The following BCAS4 variants were observed in gnomAD, a reference collection of about 807,000 sequenced individuals.
BCAS4 encodes breast carcinoma amplified sequence 4.
In BCAS4, 9 loss-of-function variants were observed where a neutral mutation model predicts 15.7. The observed-to-expected ratio is 0.57, with a 90% CI of 0.34 to 1.00. The LOEUF is 1.00. Ranked by LOEUF, BCAS4 falls within the 50% of genes least tolerant of loss-of-function variation. BCAS4 has a pLI of 0.02. For missense variants in BCAS4, 225 were observed against 239.1 expected (o/e 0.94, Z 0.39); for synonymous variants, 101 against 99.5 (o/e 1.02, Z -0.09).
chr20:50,834,287 C>T (rs960584398), intron 3 of BCAS4, among the ~76,000 whole-genome samples: 3 of 147,524 alleles, frequency 2.0e-5, no homozygotes, highest in African/African-American at 5.0e-5. Context: ...TGGTCTCGAA[C>T]TCTTCTTTTT....
downstream of BCAS4, chr20:50,880,904 C>T (rs937501852): frequency 6.6e-6 from 1 of 152,124 alleles, no homozygotes; most frequent in Non-Finnish European, 1.5e-5. Context: ...ACTCAGCACA[C>T]CTGGATTGTA....
At chr20:50,838,017 C>CACATG (rs2088431290) in intron 3 of BCAS4, among the ~76,000 whole-genome samples, 1 of 151,714 alleles carries the variant, frequency 6.6e-6, no homozygotes, top group African/African-American at 2.4e-5. Flanking sequence ...CACACACACA[C>CACATG]ACACATGACG....
chr20:50,862,312 C>G (rs751926332), intron 4 of BCAS4, among the ~76,000 whole-genome samples: 9 of 152,264 alleles, frequency 5.9e-5, no homozygotes, highest in Non-Finnish European at 1.0e-4. Context: ...CTCCTCCTGT[C>G]TCATGATGTT....
chr20:50,797,287 G>C (rs1000988644), intron 1 of BCAS4, among the ~76,000 whole-genome samples: 25 of 152,308 alleles, frequency 1.6e-4, no homozygotes, highest in African/African-American at 5.8e-4. Context: ...AACATGTTCT[G>C]GATGTTAGAT....
At chr20:50,804,550 A>G (rs2087967540) in intron 1 of BCAS4, among the ~76,000 whole-genome samples, 1 of 152,240 alleles carries the variant, frequency 6.6e-6, no homozygotes, top group Non-Finnish European at 1.5e-5. Context: ...ATCATTTTGC[A>G]TTTATGCAAA....
At chr20:50,813,949 C>T (rs747660112) in intron 1 of BCAS4, among the ~76,000 whole-genome samples, 60 of 151,984 alleles carry the variant, frequency 3.9e-4, no homozygotes, top group Non-Finnish European at 7.8e-4. Flanking sequence ...CAGGGGGTTG[C>T]GAAGAACAGC....
chr20:50,826,175 C>T (rs1170668072), intron 2 of BCAS4, among the ~76,000 whole-genome samples: 1 of 152,210 alleles, frequency 6.6e-6, no homozygotes, highest in African/African-American at 2.4e-5. Flanking sequence ...GTGATTTTCT[C>T]CAAGTTTAGC....
At chr20:50,806,387 C>G (rs1309652101) in intron 1 of BCAS4, among the ~76,000 whole-genome samples, 1 of 152,224 alleles carries the variant, frequency 6.6e-6, no homozygotes, top group Non-Finnish European at 1.5e-5. Flanking sequence ...TCCCTTTCAT[C>G]TTCCTTTCTT....
chr20:50,873,179 C>T (rs1008421318), intron 4 of BCAS4, among the ~76,000 whole-genome samples: 5 of 152,256 alleles, frequency 3.3e-5, no homozygotes, highest in African/African-American at 1.2e-4. Flanking sequence ...TCGCCACTCC[C>T]TCTCCTTGGC....
chr20:50,846,831 C>T (rs2088552047), intron 4 of BCAS4: 1 of 152,040 alleles, frequency 6.6e-6, no homozygotes, highest in South Asian at 2.1e-4. Context: ...CCAGGCTGGT[C>T]TCGAACTCCT....
rs554840200 is a variant in BCAS4 at position 50,853,936 on chromosome 20, C to T, written c.399+12036C>T. ...CCTCACTCGCTAGATGTACCCTCCC[C>T]GCAGTGTAACAACCAAAAAGGAGTC... On this transcript the variant is annotated intron_variant, in intron 4 of 4. Transcript: ENST00000371608. Among the ~76,000 whole-genome samples the T allele has an allele frequency of 2.6e-5, 4 of 152,136 alleles. No individual in the cohort carries two copies. In the South Asian group the frequency reaches 8.3e-4, roughly 32 times the overall value.
intron 4 of BCAS4, 33 bp downstream of exon 4, chr20:50,841,933 G>T: frequency 6.5e-7 from 1 of 1,532,230 alleles, no homozygotes; most frequent in South Asian, 1.3e-5. Context: ...TGAGGGGAGG[G>T]CCTCTCCCCC....
At chr20:50,839,973 C>T (rs952262104) in intron 3 of BCAS4, among the ~76,000 whole-genome samples, 6 of 152,204 alleles carry the variant, frequency 3.9e-5, no homozygotes, top group South Asian at 2.1e-4. Flanking sequence ...CTCCTGGGCT[C>T]AAGTGATCCT....
intron 1 of BCAS4, among the ~76,000 whole-genome samples, chr20:50,804,502 G>A (rs1401330622): frequency 6.6e-6 from 1 of 152,172 alleles, no homozygotes. Flanking sequence ...ATTTTTTGCT[G>A]TCACAGAGTG....
At chr20:50,849,356 G>A (rs947345624) in intron 4 of BCAS4, among the ~76,000 whole-genome samples, 3 of 152,182 alleles carry the variant, frequency 2.0e-5, no homozygotes, top group Non-Finnish European at 4.4e-5. Context: ...TGGGACTCGG[G>A]GCTGCCTGGC....
chr20:50,853,211 C>G (rs1386721512), intron 4 of BCAS4, among the ~76,000 whole-genome samples: 1 of 128,864 alleles, frequency 7.8e-6, no homozygotes, highest in South Asian at 2.5e-4. Flanking sequence ...GTGGTGTGAT[C>G]TCAGCTCACT....
chr20:50,812,437 T>G (rs1600852687), intron 1 of BCAS4, among the ~76,000 whole-genome samples: 1 of 149,610 alleles, frequency 6.7e-6, no homozygotes, highest in Non-Finnish European at 1.5e-5. Flanking sequence ...TCTGGCCTTT[T>G]TTTTTTTTTT....
chr20:50,835,705 C>A (rs75871159), intron 3 of BCAS4, among the ~76,000 whole-genome samples: 2,270 of 152,144 alleles, frequency 0.015, 58 homozygotes, highest in African/African-American at 0.052. Context: ...GTGAATCTCC[C>A]GGCTGTCACA....
At chr20:50,873,289 G>T (rs1317243318) in intron 4 of BCAS4, among the ~76,000 whole-genome samples, 2 of 152,212 alleles carry the variant, frequency 1.3e-5, no homozygotes, top group East Asian at 3.9e-4. Flanking sequence ...ATTTCAAAAA[G>T]GAACAGGGGG....
Sources: gnomAD v4.1 joint callset for allele counts (sites outside exome capture counted in the v4.1 genomes callset) on GRCh38, gnomAD v4.1.1 for gene constraint, MANE v1.5 for transcripts, NCBI Gene and HGNC (gene_info 2026-07-23, HGNC 2026-07-21) for gene names.